Variants in ADAMTS12 observed in about 807,000 individuals in gnomAD.
ADAMTS12 encodes the protein ADAM metallopeptidase with thrombospondin type 1 motif 12.
A neutral mutation model predicts 167.8 loss-of-function variants in ADAMTS12; 118 were observed. The ratio of observed to expected loss-of-function variants is 0.70; its 90% CI spans 0.61 to 0.82. The LOEUF is 0.82. Ranked by LOEUF, ADAMTS12 falls within the 40% of genes least tolerant of loss-of-function variation. ADAMTS12 has a pLI of 0.00. For missense variants in ADAMTS12, 1,916 were observed against 1,998.8 expected (o/e 0.96, Z 0.79); for synonymous variants, 704 against 716.9 (o/e 0.98, Z 0.29).
At chr5:33,702,286 G>T (rs908804422) in intron 3 of ADAMTS12, among the ~76,000 whole-genome samples, 6 of 152,200 alleles carry the variant, frequency 3.9e-5, no homozygotes, top group African/African-American at 1.4e-4. Context: ...AATCAGCCTA[G>T]CATCTCTACC....
chr5:33,715,745 T>C (rs922907012), intron 3 of ADAMTS12, among the ~76,000 whole-genome samples: 1 of 152,172 alleles, frequency 6.6e-6, no homozygotes, highest in Non-Finnish European at 1.5e-5. Flanking sequence ...TTTTTTGTGA[T>C]AAAGAAGAAT....
chr5:33,553,659 AT>A (rs1745359029), intron 20 of ADAMTS12, among the ~76,000 whole-genome samples: 1 of 152,198 alleles, frequency 6.6e-6, no homozygotes, highest in Non-Finnish European at 1.5e-5. Flanking sequence ...TGGGAGCTAA[AT>A]GATGAGAACA....
chr5:33,529,377 TAAG>T (rs1437074148), intron 23 of ADAMTS12, among the ~76,000 whole-genome samples: 1 of 152,092 alleles, frequency 6.6e-6, no homozygotes, highest in Non-Finnish European at 1.5e-5. Context: ...CCAGGTCTGT[TAAG>T]AATTCAATTA....
chr5:33,588,605 C>G lies in ADAMTS12; in HGVS notation c.2859G>C (p.Trp953Cys). The change falls in exon 18 of 24, where the codon TGG becomes TGC. Residue 953 changes from tryptophan (W) to cysteine (C), a missense_variant. Coordinates refer to ENST00000504830, the MANE Select transcript of ADAMTS12 (RefSeq NM_030955.4). ...LCPSDWTVGN[W>C]SECSVSCGGG... ...CGCCGAGCCCTGAGCTCACCTCACT[C>G]CAGTTGCCCACTGTCCAGTCCGAGG... is the stretch of plus-strand genomic sequence containing the variant. The G allele has an allele frequency of 6.2e-7, 1 of 1,614,108 alleles. No individual in the cohort carries two copies. The highest frequency in any genetic ancestry group is 8.5e-7 in the Non-Finnish European group (1 of 1,180,020).
intron 23 of ADAMTS12, among the ~76,000 whole-genome samples, chr5:33,528,085 GA>G (rs1174112774): frequency 0.036 from 4,350 of 121,986 alleles, 182 homozygotes; most frequent in African/African-American, 0.11. Context: ...TACTCAACCA[GA>G]AAAAAAAAAA....
chr5:33,692,735 G>A (rs1013752760), intron 3 of ADAMTS12, among the ~76,000 whole-genome samples: 2 of 152,138 alleles, frequency 1.3e-5, no homozygotes, highest in African/African-American at 4.8e-5. Flanking sequence ...TCAGCAAGTT[G>A]ATAAGGTATA....
intron 7 of ADAMTS12, among the ~76,000 whole-genome samples, chr5:33,657,855 C>A (rs754893353): frequency 7.2e-5 from 11 of 152,120 alleles, no homozygotes; most frequent in Non-Finnish European, 1.2e-4. Context: ...TTCATAAGAA[C>A]TAACCAAGGG....
intron 16 of ADAMTS12, among the ~76,000 whole-genome samples, chr5:33,611,890 A>G (rs1417768525): frequency 6.6e-6 from 1 of 152,234 alleles, no homozygotes; most frequent in Admixed American, 6.5e-5. Context: ...AAAAAAATGC[A>G]CTGAAAGGAA....
At chr5:33,713,073 T>C (rs184394858) in intron 3 of ADAMTS12, among the ~76,000 whole-genome samples, 49 of 152,252 alleles carry the variant, frequency 3.2e-4, no homozygotes, top group Admixed American at 2.8e-3. Flanking sequence ...GCCAGGAATC[T>C]GAGGCCTTAA....
At chr5:33,666,231 G>A (rs1415782125) in intron 5 of ADAMTS12, among the ~76,000 whole-genome samples, 4 of 152,218 alleles carry the variant, frequency 2.6e-5, no homozygotes, top group African/African-American at 4.8e-5. Flanking sequence ...GTCCAGCGGC[G>A]CAGGGCCGGC....
chr5:33,808,881 C>A (rs555967663), intron 2 of ADAMTS12, among the ~76,000 whole-genome samples: 5 of 152,308 alleles, frequency 3.3e-5, no homozygotes, highest in Admixed American at 2.6e-4. Flanking sequence ...TGACTACTTT[C>A]AGGGTGCCCC....
intron 16 of ADAMTS12, among the ~76,000 whole-genome samples, chr5:33,604,154 A>G (rs563039517): frequency 6.6e-6 from 1 of 152,362 alleles, no homozygotes; most frequent in African/African-American, 2.4e-5. Context: ...AGATCATCTC[A>G]GAAGATACAG....
intron 2 of ADAMTS12, among the ~76,000 whole-genome samples, chr5:33,798,288 T>A (rs1746854745): frequency 6.6e-6 from 1 of 152,048 alleles, no homozygotes; most frequent in African/African-American, 2.4e-5. Context: ...AATTTATTTT[T>A]CACATTTCTA....
intron 17 of ADAMTS12, among the ~76,000 whole-genome samples, chr5:33,592,873 G>T (rs550057477): frequency 6.6e-6 from 1 of 152,290 alleles, no homozygotes; most frequent in African/African-American, 2.4e-5. Context: ...TAGAGATCAT[G>T]GAAATTCGGT....
At chr5:33,620,275 T>A (rs555818256) in intron 14 of ADAMTS12, among the ~76,000 whole-genome samples, 1 of 152,362 alleles carries the variant, frequency 6.6e-6, no homozygotes, top group African/African-American at 2.4e-5. Context: ...TTTCTCTGCT[T>A]CTTGGGAGCA....
intron 2 of ADAMTS12, among the ~76,000 whole-genome samples, chr5:33,857,740 A>C (rs1749461503): frequency 6.6e-6 from 1 of 152,250 alleles, no homozygotes; most frequent in Non-Finnish European, 1.5e-5. Flanking sequence ...AGAGCAAAGG[A>C]AACTGCCAGA....
At chr5:33,853,881 C>G (rs2111659556) in intron 2 of ADAMTS12, among the ~76,000 whole-genome samples, 1 of 152,320 alleles carries the variant, frequency 6.6e-6, no homozygotes, top group East Asian at 1.9e-4. Context: ...AACAAGCCCT[C>G]AGGTGATGCC....
intron 3 of ADAMTS12, among the ~76,000 whole-genome samples, chr5:33,700,965 C>G (rs915776761): frequency 6.6e-6 from 1 of 152,122 alleles, no homozygotes; most frequent in African/African-American, 2.4e-5. Context: ...CAGTGGTGAA[C>G]TACAACTCTG....
intron 2 of ADAMTS12, among the ~76,000 whole-genome samples, chr5:33,862,612 G>A (rs1462009745): frequency 6.6e-6 from 1 of 152,076 alleles, no homozygotes; most frequent in Non-Finnish European, 1.5e-5. Flanking sequence ...TCTACCAGAG[G>A]CACAAAGAGG....
Sources: gnomAD v4.1 joint callset for allele counts (sites outside exome capture counted in the v4.1 genomes callset) on GRCh38, gnomAD v4.1.1 for gene constraint, MANE v1.5 for transcripts, NCBI Gene and HGNC (gene_info 2026-07-23, HGNC 2026-07-21) for gene names.